MAPKAP1: variants seen among roughly 807,000 people sequenced by gnomAD.
MAPKAP1 encodes the protein MAPK associated protein 1.
A neutral mutation model predicts 65.7 loss-of-function variants in MAPKAP1; 20 were observed. That is an observed-to-expected ratio of 0.30 (90% CI 0.21 to 0.44). The LOEUF (loss-of-function observed/expected upper bound fraction) is 0.44, where lower values mean the gene tolerates loss of function less well. MAPKAP1 is among the 20% of genes least tolerant of loss of function. MAPKAP1 has a pLI of 1.00. For synonymous variants in MAPKAP1, 222 were observed against 244.3 expected (o/e 0.91, Z 0.85); for missense variants, 423 against 648.0 (o/e 0.65, Z 3.77).
At chr9:125,687,662 G>A (rs1276099515) in intron 1 of MAPKAP1, among the ~76,000 whole-genome samples, 2 of 151,632 alleles carry the variant, frequency 1.3e-5, no homozygotes, top group Non-Finnish European at 2.9e-5. Context: ...GCACATGCCT[G>A]TAGTTCTATC....
intron 4 of MAPKAP1, among the ~76,000 whole-genome samples, chr9:125,637,961 C>T (rs1301172456): frequency 2.0e-5 from 3 of 152,024 alleles, no homozygotes; most frequent in African/African-American, 4.8e-5. Flanking sequence ...TTGGTAGAGA[C>T]GGGTTTCACC....
intron 10 of MAPKAP1, among the ~76,000 whole-genome samples, chr9:125,445,610 T>G (rs895314162): frequency 6.6e-6 from 1 of 152,264 alleles, no homozygotes; most frequent in African/African-American, 2.4e-5. Flanking sequence ...GGCCTGTCCT[T>G]TTATGTCCAG....
At position 125,686,383 on chromosome 9, in the gene MAPKAP1, C is replaced by A. The variant is rs182374577; in HGVS notation, c.-69-13740G>T. ...AAAAGAAAGAAAGAAAAGCAACACA[C>A]TTTACCACAAAGATCACTCAGGAAA... On this transcript the variant is annotated intron_variant, in intron 1 of 11. Transcript: ENST00000265960. Among the ~76,000 whole-genome samples the A allele has an allele frequency of 3.4e-4, 51 of 151,580 alleles. No individual in the cohort carries two copies. In the East Asian group the frequency reaches 9.9e-3, roughly 29 times the overall value.
At chr9:125,548,496 T>C (rs1432962215) in intron 6 of MAPKAP1, among the ~76,000 whole-genome samples, 2 of 152,196 alleles carry the variant, frequency 1.3e-5, no homozygotes, top group African/African-American at 4.8e-5. Context: ...TAGAATAAAG[T>C]GACCTGGTTT....
chr9:125,672,624 T>C lies in MAPKAP1; in HGVS notation c.-50A>G. 1 of 1,594,810 alleles carries C rather than the reference T, an allele frequency of 6.3e-7. No individual in the cohort carries two copies. The highest frequency in any genetic ancestry group is 8.6e-7 in the Non-Finnish European group (1 of 1,167,634). Reference sequence around the variant, plus strand: ...AAAGGCTATTTTCTCCTCTTCATATTGTTTCACGAGCTCACCTACCTAGAA... The same window carrying C: ...AAAGGCTATTTTCTCCTCTTCATATCGTTTCACGAGCTCACCTACCTAGAA... On this transcript the variant is annotated 5_prime_UTR_variant, in exon 2 of 12. Coordinates refer to ENST00000265960, the MANE Select transcript of MAPKAP1 (RefSeq NM_001006617.3).
chr9:125,636,363 G>GT (rs1370966547), intron 4 of MAPKAP1, among the ~76,000 whole-genome samples: 1 of 152,140 alleles, frequency 6.6e-6, no homozygotes, highest in African/African-American at 2.4e-5. Context: ...AAAACACTAG[G>GT]AAGTACTGGT....
intron 10 of MAPKAP1, among the ~76,000 whole-genome samples, chr9:125,459,558 A>T (rs1853378888): frequency 6.6e-6 from 1 of 152,130 alleles, no homozygotes; most frequent in Non-Finnish European, 1.5e-5. Context: ...TCCGTCTGCA[A>T]TCCCGGCACC....
At chr9:125,658,246 G>A (rs829316) in intron 3 of MAPKAP1, among the ~76,000 whole-genome samples, 136,487 of 152,226 alleles carry the variant, frequency 0.9, 61,988 homozygotes, top group East Asian at 1. Context: ...GTCAAGATCT[G>A]CATATTAATT....
At chr9:125,499,866 A>T (rs1318416733) in intron 8 of MAPKAP1, among the ~76,000 whole-genome samples, 1 of 152,120 alleles carries the variant, frequency 6.6e-6, no homozygotes, top group Non-Finnish European at 1.5e-5. Context: ...GTGTGCCCGT[A>T]ATCATGGCTA....
At chr9:125,511,155 T>A (rs1376278397) in intron 7 of MAPKAP1, among the ~76,000 whole-genome samples, 3 of 138,034 alleles carry the variant, frequency 2.2e-5, no homozygotes, top group Non-Finnish European at 4.7e-5. Flanking sequence ...GTATCAGCTA[T>A]CATCATCACC....
intron 4 of MAPKAP1, among the ~76,000 whole-genome samples, chr9:125,646,708 A>G (rs1226611951): frequency 6.6e-6 from 1 of 152,268 alleles, no homozygotes; most frequent in Non-Finnish European, 1.5e-5. Flanking sequence ...TTGAAAAAAG[A>G]ACCCAGCAAG....
At chr9:125,443,705 G>GC (rs1241941114) in intron 11 of MAPKAP1, among the ~76,000 whole-genome samples, 1 of 3,858 alleles carries the variant, frequency 2.6e-4, no homozygotes, top group Non-Finnish European at 6.5e-4. Context: ...AGCTCCCCCA[G>GC]CCCCCCCAGC....
intron 8 of MAPKAP1, among the ~76,000 whole-genome samples, chr9:125,500,602 G>A (rs1828947232): frequency 6.6e-6 from 1 of 152,186 alleles, no homozygotes; most frequent in African/African-American, 2.4e-5. Context: ...AAATGTGCTT[G>A]CATATACATA....
At chr9:125,655,890 C>T (rs1834020563) in intron 4 of MAPKAP1, among the ~76,000 whole-genome samples, 1 of 152,112 alleles carries the variant, frequency 6.6e-6, no homozygotes, top group Admixed American at 6.6e-5. Context: ...ACACATCTAG[C>T]GAGAATAATT....
chr9:125,526,278 C>T (rs1458521721), intron 7 of MAPKAP1, among the ~76,000 whole-genome samples: 1 of 152,166 alleles, frequency 6.6e-6, no homozygotes, highest in African/African-American at 2.4e-5. Flanking sequence ...TCAGCAAATC[C>T]AGTAAACTAA....
At chr9:125,651,475 GGCGC>G (rs1833891145) in intron 4 of MAPKAP1, among the ~76,000 whole-genome samples, 1 of 151,904 alleles carries the variant, frequency 6.6e-6, no homozygotes, top group Non-Finnish European at 1.5e-5. Context: ...TGTGTTGGCA[GGCGC>G]CTGTAATCCC....
At chr9:125,576,492 C>T (rs1831402692) in intron 5 of MAPKAP1, among the ~76,000 whole-genome samples, 1 of 150,846 alleles carries the variant, frequency 6.6e-6, no homozygotes, top group South Asian at 2.1e-4. Context: ...CTCCCTCTCC[C>T]TCTCCCTCTC....
At chr9:125,617,409 C>G (rs1472396350) in intron 4 of MAPKAP1, among the ~76,000 whole-genome samples, 1 of 152,154 alleles carries the variant, frequency 6.6e-6, no homozygotes, top group Non-Finnish European at 1.5e-5. Flanking sequence ...CACAGTGAGC[C>G]ATGATCATGC....
intron 1 of MAPKAP1, among the ~76,000 whole-genome samples, chr9:125,676,031 A>C (rs929208801): frequency 1.3e-5 from 2 of 152,194 alleles, no homozygotes; most frequent in African/African-American, 2.4e-5. Context: ...TTTCCAAGAC[A>C]AGGACATACA....
Sources: allele counts gnomAD v4.1 joint callset (sites outside exome capture counted in the v4.1 genomes callset), GRCh38; gene constraint gnomAD v4.1.1; transcripts MANE v1.5; gene names NCBI Gene and HGNC (gene_info 2026-07-23, HGNC 2026-07-21).